The following ENOX1 variants were observed in gnomAD, a reference collection of about 807,000 sequenced individuals.
ENOX1 encodes the protein ecto-NOX disulfide-thiol exchanger 1.
A neutral mutation model predicts 82.5 loss-of-function variants in ENOX1; 42 were observed. That is an observed-to-expected ratio of 0.51 (90% CI 0.40 to 0.66). The LOEUF (loss-of-function observed/expected upper bound fraction) is 0.66. Among genes scored for constraint, ENOX1 ranks in the 30% least tolerant of loss-of-function variants. ENOX1 has a pLI of 0.00. For synonymous variants in ENOX1, 271 were observed against 282.2 expected (o/e 0.96, Z 0.40); for missense variants, 608 against 811.6 (o/e 0.75, Z 3.05).
rs1594214695 is a variant in ENOX1 at position 43,375,826 on chromosome 13, G to A, written c.209-14374C>T. On this transcript the variant is annotated intron_variant, in intron 5 of 16. Coordinates refer to ENST00000690772, the MANE Select transcript of ENOX1 (RefSeq NM_001347969.2). ...GCATTTATCAAAAGACATTTTGGAG[G>A]CAGAGGATTGTTTGGTGTTGTATTA... is the stretch of plus-strand genomic sequence containing the variant. Among the ~76,000 whole-genome samples, 3 of 152,298 alleles carry A rather than the reference G, an allele frequency of 2.0e-5. No homozygotes were observed. In the Middle Eastern group the frequency reaches 0.01, roughly 518 times the overall value.
rs572263277 is a variant in ENOX1 at position 43,290,854 on chromosome 13, C to T, written c.1446+7492G>A. Among the ~76,000 whole-genome samples, 206 of 152,142 alleles carry T rather than the reference C, an allele frequency of 1.4e-3. 3 individuals carry two copies. The highest frequency in any genetic ancestry group is 2.8e-4 in the Non-Finnish European group (19 of 67,996). On this transcript the variant is annotated intron_variant, in intron 12 of 16. Transcript: ENST00000690772. Reference sequence around the variant, plus strand: ...CCAGCCTGGCCAACATGGTGAAACCCCGTCTCTACAAAAAATACAAAAATT... The same window carrying T: ...CCAGCCTGGCCAACATGGTGAAACCTCGTCTCTACAAAAAATACAAAAATT...
chr13:43,443,740 G>T (rs2056482663), intron 3 of ENOX1, among the ~76,000 whole-genome samples: 1 of 152,174 alleles, frequency 6.6e-6, no homozygotes, highest in East Asian at 1.9e-4. Flanking sequence ...GAGAGTGGAA[G>T]CTCACCCGAG....
intron 2 of ENOX1, among the ~76,000 whole-genome samples, chr13:43,651,142 C>T (rs1017843912): frequency 6.6e-6 from 1 of 151,954 alleles, no homozygotes; most frequent in Middle Eastern, 3.2e-3. Context: ...TCCAATGATA[C>T]AATCAAGCCT....
At chr13:43,315,195 T>C (rs1390656480) in intron 11 of ENOX1, among the ~76,000 whole-genome samples, 1 of 152,216 alleles carries the variant, frequency 6.6e-6, no homozygotes, top group Non-Finnish European at 1.5e-5. Flanking sequence ...TTATTCTTAG[T>C]TGTTAGGTTT....
Position 43,770,194 on chromosome 13 carries a change from A to G in ENOX1, c.-285+16458T>C, listed in dbSNP as rs9590788. The stretch of plus-strand genomic sequence containing the variant: ...TTCTTTAACAAAACTCTTAGTTTCC[A>G]ATTCATGAAGTTTGGACGAAGTTAG... On this transcript the variant is annotated intron_variant, in intron 1 of 16. Transcript: ENST00000690772. 4.7e-3 allele frequency among the ~76,000 whole-genome samples: 722 copies of G among 152,326 alleles called. 4 individuals are homozygous for G. Among genetic ancestry groups the G allele is most frequent in the Non-Finnish European group, 8.2e-3 (556 of 68,030 alleles).
chr13:43,696,159 T>C (rs1467062141), intron 1 of ENOX1, among the ~76,000 whole-genome samples: 1 of 152,236 alleles, frequency 6.6e-6, no homozygotes, highest in African/African-American at 2.4e-5. Flanking sequence ...TTTCATGGTA[T>C]AGATATATTA....
chr13:43,660,612 A>G (rs2084670523), intron 2 of ENOX1, among the ~76,000 whole-genome samples: 1 of 152,186 alleles, frequency 6.6e-6, no homozygotes, highest in Non-Finnish European at 1.5e-5. Flanking sequence ...ATATGTCTCT[A>G]TTTCAAAACA....
chr13:43,389,501 C>T (rs777550411), intron 5 of ENOX1, among the ~76,000 whole-genome samples: 5 of 152,184 alleles, frequency 3.3e-5, no homozygotes, highest in East Asian at 1.9e-4. Context: ...GCTCCAGAAA[C>T]GCTGAGAAGG....
intron 2 of ENOX1, among the ~76,000 whole-genome samples, chr13:43,494,188 T>G (rs1200906578): frequency 1.3e-5 from 2 of 152,096 alleles, no homozygotes; most frequent in African/African-American, 4.8e-5. Flanking sequence ...ATATCATCCT[T>G]AGACCAGTCA....
At chr13:43,249,515 T>C (rs757027355) in intron 14 of ENOX1, among the ~76,000 whole-genome samples, 7 of 152,230 alleles carry the variant, frequency 4.6e-5, no homozygotes, top group Non-Finnish European at 1.0e-4. Context: ...TGATACTAAC[T>C]CTATTGCTGG....
At chr13:43,747,370 A>G (rs1437062233) in intron 1 of ENOX1, among the ~76,000 whole-genome samples, 1 of 152,204 alleles carries the variant, frequency 6.6e-6, no homozygotes, top group Non-Finnish European at 1.5e-5. Context: ...AGTAAGGTCA[A>G]GTAACTTCCT....
chr13:43,701,631 T>G (rs1367600446), intron 1 of ENOX1, among the ~76,000 whole-genome samples: 1 of 152,226 alleles, frequency 6.6e-6, no homozygotes, highest in Non-Finnish European at 1.5e-5. Context: ...AATACATATC[T>G]TTTAAAGAAT....
At chr13:43,697,186 A>T (rs2086682566) in intron 1 of ENOX1, among the ~76,000 whole-genome samples, 1 of 152,002 alleles carries the variant, frequency 6.6e-6, no homozygotes, top group East Asian at 1.9e-4. Context: ...TTAGACATAG[A>T]TTGGGTTTAA....
intron 1 of ENOX1, among the ~76,000 whole-genome samples, chr13:43,741,764 T>C (rs1315583626): frequency 6.6e-6 from 1 of 152,262 alleles, no homozygotes; most frequent in Non-Finnish European, 1.5e-5. Flanking sequence ...TTATCTGTTT[T>C]TTGTTGCTGT....
chr13:43,634,607 T>C (rs911683947), intron 2 of ENOX1, among the ~76,000 whole-genome samples: 1 of 152,186 alleles, frequency 6.6e-6, no homozygotes, highest in African/African-American at 2.4e-5. Context: ...AATCCAGTGT[T>C]GGCTAATGAT....
At chr13:43,641,817 G>A (rs1321166100) in intron 2 of ENOX1, among the ~76,000 whole-genome samples, 2 of 152,188 alleles carry the variant, frequency 1.3e-5, no homozygotes, top group African/African-American at 4.8e-5. Context: ...ACAGGCATGA[G>A]CCACCAAGCT....
chr13:43,546,496 T>C (rs2078979391), intron 2 of ENOX1: 1 of 151,068 alleles, frequency 6.6e-6, no homozygotes, highest in Non-Finnish European at 1.5e-5. Flanking sequence ...GTGGGAGGAG[T>C]TCCTATGTCA....
intron 5 of ENOX1, among the ~76,000 whole-genome samples, chr13:43,377,136 A>G (rs1332691833): frequency 1.3e-5 from 2 of 152,192 alleles, no homozygotes; most frequent in Non-Finnish European, 2.9e-5. Context: ...CTAGGCTATG[A>G]GGGAGGTTAT....
At chr13:43,720,277 T>C (rs1319590223) in intron 1 of ENOX1, among the ~76,000 whole-genome samples, 3 of 152,228 alleles carry the variant, frequency 2.0e-5, no homozygotes. Context: ...AAGGCAGCCC[T>C]GGACTAGGGC....
Sources: gnomAD v4.1 joint callset for allele counts (sites outside exome capture counted in the v4.1 genomes callset) on GRCh38, gnomAD v4.1.1 for gene constraint, MANE v1.5 for transcripts, NCBI Gene and HGNC (gene_info 2026-07-23, HGNC 2026-07-21) for gene names.